ENTREP2: variants seen among roughly 807,000 people sequenced by gnomAD.
ENTREP2 encodes the protein endosomal transmembrane epsin interactor 2.
the ENTREP2 span, among the ~76,000 whole-genome samples, chr15:29,662,596 C>G: frequency 1.3e-5 from 2 of 152,188 alleles, no homozygotes; most frequent in African/African-American, 4.8e-5. Flanking sequence ...TCTCAGAAGC[C>G]TGCCTGGGCT....
chr15:29,140,258 C>T, the ENTREP2 span, among the ~76,000 whole-genome samples: 3 of 152,190 alleles, frequency 2.0e-5, no homozygotes, highest in Non-Finnish European at 4.4e-5. Context: ...CCTCTGTACC[C>T]GTCTCACAAT....
At chr15:29,176,685 C>T in the ENTREP2 span, among the ~76,000 whole-genome samples, 51,331 of 152,112 alleles carry the variant, frequency 0.34, 8,940 homozygotes, top group East Asian at 0.55. Context: ...GGGGCAGCAC[C>T]GTGCACCTGA....
At chr15:29,253,736 C>G in the ENTREP2 span, among the ~76,000 whole-genome samples, 12 of 151,878 alleles carry the variant, frequency 7.9e-5, no homozygotes, top group Admixed American at 7.2e-4. Flanking sequence ...CCACCACGCC[C>G]GGCCAATATT....
At chr15:29,290,662 T>A in the ENTREP2 span, among the ~76,000 whole-genome samples, 1 of 152,192 alleles carries the variant, frequency 6.6e-6, no homozygotes. Flanking sequence ...AATGGCCACA[T>A]AAGAAGACAG....
At chr15:29,387,572 C>T in the ENTREP2 span, among the ~76,000 whole-genome samples, 4 of 152,152 alleles carry the variant, frequency 2.6e-5, no homozygotes, top group Middle Eastern at 3.2e-3. Flanking sequence ...TCAATGCCAT[C>T]CCCATCAAGC....
the ENTREP2 span, among the ~76,000 whole-genome samples, chr15:29,145,654 A>G: frequency 6.6e-6 from 1 of 150,870 alleles, no homozygotes; most frequent in South Asian, 2.1e-4. Context: ...AACAACCAAC[A>G]AACTAGGAAT....
the ENTREP2 span, chr15:29,265,839 T>TCA: frequency 1.3e-5 from 2 of 152,114 alleles, no homozygotes; most frequent in Non-Finnish European, 1.5e-5. Context: ...TTTCCATACC[T>TCA]CACATCATAC....
chr15:29,626,781 G>A, the ENTREP2 span, among the ~76,000 whole-genome samples: 1 of 152,042 alleles, frequency 6.6e-6, no homozygotes, highest in East Asian at 1.9e-4. Context: ...GATGTCAACT[G>A]TAGGATTTTC....
At chr15:29,430,464 T>C in the ENTREP2 span, among the ~76,000 whole-genome samples, 6 of 152,098 alleles carry the variant, frequency 3.9e-5, no homozygotes, top group Non-Finnish European at 8.8e-5. Flanking sequence ...GCCTGGCCCA[T>C]AGCAGGGACT....
chr15:29,645,734 A>AT, the ENTREP2 span, among the ~76,000 whole-genome samples: 3 of 151,600 alleles, frequency 2.0e-5, no homozygotes, highest in East Asian at 5.8e-4. Context: ...ACTTTTTTGT[A>AT]TTTTTTTAGT....
the ENTREP2 span, among the ~76,000 whole-genome samples, chr15:29,205,532 A>C: frequency 5.8e-4 from 88 of 152,320 alleles, no homozygotes; most frequent in African/African-American, 2.0e-3. Flanking sequence ...GTCAGGTGGT[A>C]TCTCACTCTG....
the ENTREP2 span, among the ~76,000 whole-genome samples, chr15:29,138,872 T>C: frequency 1.6e-4 from 24 of 151,962 alleles, no homozygotes; most frequent in African/African-American, 5.3e-4. Context: ...GAAAGATTGG[T>C]GGGATTTCAT....
chr15:29,175,152 A>G, the ENTREP2 span, among the ~76,000 whole-genome samples: 3 of 152,190 alleles, frequency 2.0e-5, no homozygotes, highest in African/African-American at 4.8e-5. Context: ...AGGGCTCCAA[A>G]GCCAGACTGC....
the ENTREP2 span, among the ~76,000 whole-genome samples, chr15:29,491,722 GATTT>G: frequency 6.6e-6 from 1 of 152,176 alleles, no homozygotes; most frequent in Non-Finnish European, 1.5e-5. Context: ...AAAACATGAA[GATTT>G]ATTTCATGGA....
the ENTREP2 span, among the ~76,000 whole-genome samples, chr15:29,150,499 A>T: frequency 6.6e-6 from 1 of 152,308 alleles, no homozygotes; most frequent in Admixed American, 6.5e-5. Flanking sequence ...TGAGGTGAGG[A>T]GAAGCCCCTG....
At chr15:29,396,254 T>C in the ENTREP2 span, among the ~76,000 whole-genome samples, 1 of 151,814 alleles carries the variant, frequency 6.6e-6, no homozygotes, top group African/African-American at 2.4e-5. Context: ...GACCAACATC[T>C]CCCCTTTCCC....
At chr15:29,125,237 A>G in the ENTREP2 span, among the ~76,000 whole-genome samples, 3 of 152,168 alleles carry the variant, frequency 2.0e-5, no homozygotes, top group Non-Finnish European at 2.9e-5. Context: ...TCCTCCTCCA[A>G]ACCTCAGTGA....
the ENTREP2 span, among the ~76,000 whole-genome samples, chr15:29,584,110 G>A: frequency 0.51 from 77,324 of 151,968 alleles, 21,944 homozygotes; most frequent in Non-Finnish European, 0.65. Flanking sequence ...CAGATAGGGA[G>A]AAAATGTTTG....
At chr15:29,544,350 C>G in the ENTREP2 span, among the ~76,000 whole-genome samples, 66,093 of 151,790 alleles carry the variant, frequency 0.44, 15,205 homozygotes, top group African/African-American at 0.6. Flanking sequence ...TGGGGGCAGA[C>G]AATAGGAAAA....
Sources: allele counts gnomAD v4.1 joint callset (sites outside exome capture counted in the v4.1 genomes callset), GRCh38; gene constraint gnomAD v4.1.1; transcripts MANE v1.5; gene names NCBI Gene and HGNC (gene_info 2026-07-23, HGNC 2026-07-21).